The following ADAMTS2 variants were observed in gnomAD, a reference collection of about 807,000 sequenced individuals.
ADAMTS2 encodes A disintegrin and metalloproteinase with thrombospondin motifs 2.
Under a neutral mutation model 123.0 loss-of-function variants are expected in ADAMTS2, and 50 were observed. The observed-to-expected ratio is 0.41, with a 90% CI of 0.32 to 0.51. The LOEUF (loss-of-function observed/expected upper bound fraction) is 0.51. Among genes scored for constraint, ADAMTS2 ranks in the 20% least tolerant of loss-of-function variants. The pLI, the probability that ADAMTS2 is intolerant of heterozygous loss-of-function variation, is 0.35. For synonymous variants in ADAMTS2, 678 were observed against 695.4 expected (o/e 0.98, Z 0.39); for missense variants, 1,494 against 1,705.2 (o/e 0.88, Z 2.18).
chr5:179,278,212 C>T (rs1306391640), intron 2 of ADAMTS2, among the ~76,000 whole-genome samples: 13 of 145,722 alleles, frequency 8.9e-5, no homozygotes, highest in Non-Finnish European at 6.0e-5. Flanking sequence ...CAGCTGACGT[C>T]CTGCCAAGAC....
chr5:179,269,412 A>G (rs1027904034), intron 3 of ADAMTS2, among the ~76,000 whole-genome samples: 1 of 42,114 alleles, frequency 2.4e-5, no homozygotes, highest in African/African-American at 1.4e-4. Flanking sequence ...GAGGCCTCAC[A>G]ATCATGGCAG....
chr5:179,295,691 G>T (rs879520659), intron 2 of ADAMTS2, among the ~76,000 whole-genome samples: 1 of 152,234 alleles, frequency 6.6e-6, no homozygotes, highest in Non-Finnish European at 1.5e-5. Context: ...GTCCCAGGCT[G>T]GTCCAGAACA....
rs200083523 is a variant in ADAMTS2, at chr5:179,206,314, C to T, written c.891+1199G>A. On this transcript the variant is annotated intron_variant, in intron 4 of 21. Coordinates refer to ENST00000251582, the MANE Select transcript of ADAMTS2 (RefSeq NM_014244.5). ...CCCTGAGGTATCTTTTCACCAGGGCCCTGGGGACTCTGACCCATGTGTCAG... is the reference window on the plus strand; with the variant it reads ...CCCTGAGGTATCTTTTCACCAGGGCTCTGGGGACTCTGACCCATGTGTCAG... 7.2e-5 allele frequency among the ~76,000 whole-genome samples: 11 copies of T among 152,278 alleles called. No individual in the cohort carries two copies. The East Asian group carries it at 2.1e-3, about 29-fold the overall frequency.
In ADAMTS2 at chr5:179,262,756, C is replaced by T. The variant is rs1262879162; in HGVS notation, c.688+10155G>A. The stretch of plus-strand genomic sequence containing the variant: ...CTTTGTTCACAGGATTCTCCACTGT[C>T]TGCGAGCATCTGCTCACCAGGTCTC... On this transcript the variant is annotated intron_variant, in intron 3 of 21. Transcript: ENST00000251582. This position sits in a 1 kb window ranked among gnomAD's most constrained non-coding sequence, Gnocchi z 5.9. 6.6e-6 allele frequency among the ~76,000 whole-genome samples: 1 copy of T among 152,262 alleles called. No homozygotes were observed. The highest frequency in any genetic ancestry group is 1.5e-5 in the Non-Finnish European group (1 of 68,054).
At chr5:179,300,939 G>A (rs944510128) in intron 2 of ADAMTS2, among the ~76,000 whole-genome samples, 18 of 152,082 alleles carry the variant, frequency 1.2e-4, no homozygotes, top group African/African-American at 3.6e-4. Context: ...GAGAGGTCCC[G>A]CAGGACAGAG....
intron 3 of ADAMTS2, among the ~76,000 whole-genome samples, chr5:179,229,734 C>G (rs933521873): frequency 6.6e-6 from 1 of 152,196 alleles, no homozygotes; most frequent in Non-Finnish European, 1.5e-5. Flanking sequence ...GGAAATGGGC[C>G]GCAGGCAGCA....
At chr5:179,120,239 G>A (rs1200437729) in intron 21 of ADAMTS2, 6 of 152,068 alleles carry the variant, frequency 3.9e-5, no homozygotes, top group Non-Finnish European at 7.4e-5. Context: ...TCCATCATTA[G>A]TAAGAATGAA....
rs2113181904 is a variant in ADAMTS2 at position 179,122,779 on chromosome 5, G to A, written c.2959-6C>T. 3 of 1,554,972 alleles carry A rather than the reference G, an allele frequency of 1.9e-6. No homozygotes were observed. Among genetic ancestry groups the A allele is most frequent in the Non-Finnish European group, 2.6e-6 (3 of 1,149,636 alleles). On this transcript the variant is annotated splice_region_variant and splice_polypyrimidine_tract_variant and intron_variant, in intron 19 of 21. Transcript: ENST00000251582. Reference sequence around the variant, plus strand: ...TTGCCACAGGTTACTGAGCACTGCAGGGGGAGAGTCGCCAGGCAGGGTTCA... The same window carrying A: ...TTGCCACAGGTTACTGAGCACTGCAAGGGGAGAGTCGCCAGGCAGGGTTCA...
chr5:179,194,139 C>T (rs1469140175), intron 4 of ADAMTS2, among the ~76,000 whole-genome samples: 1 of 152,182 alleles, frequency 6.6e-6, no homozygotes, highest in Non-Finnish European at 1.5e-5. Context: ...TGCTGGGAGG[C>T]TTCCACATCA....
chr5:179,135,281 C>T (rs932217101), intron 13 of ADAMTS2, among the ~76,000 whole-genome samples: 1 of 152,186 alleles, frequency 6.6e-6, no homozygotes, highest in Admixed American at 6.5e-5. Context: ...TCAGCCTCCA[C>T]GACTCCTGCC....
In ADAMTS2 at chr5:179,262,719, C is replaced by G. The variant is rs1183135257; in HGVS notation, c.688+10192G>C. Among the ~76,000 whole-genome samples, 5 of 152,210 alleles carry G rather than the reference C, an allele frequency of 3.3e-5. No individual in the cohort carries two copies. Among genetic ancestry groups the G allele is most frequent in the Non-Finnish European group, 7.3e-5 (5 of 68,032 alleles). On this transcript the variant is annotated intron_variant, in intron 3 of 21. Transcript: ENST00000251582. This position sits in a 1 kb window ranked among gnomAD's most constrained non-coding sequence, Gnocchi z 5.9. The stretch of plus-strand genomic sequence containing the variant: ...TACCTGCCTTCTCACGCTGCCCTTT[C>G]ACCCCGTTTTACTTTGTTCACAGGA...
In ADAMTS2 at chr5:179,189,820, G is replaced by GGGGT; in HGVS notation, c.892-8666_892-8665insACCC. Among the ~76,000 whole-genome samples the GGGGT allele has an allele frequency of 6.6e-6, 1 of 151,192 alleles. No homozygotes were observed. Among genetic ancestry groups the GGGGT allele is most frequent in the African/African-American group, 2.4e-5 (1 of 41,066 alleles). ...TATTACTAAGTATCTTCTTAAGTTG[G>GGGGT]GGGGAGAGAATATTACAAAGTATCT... On this transcript the variant is annotated intron_variant, in intron 4 of 21. Coordinates refer to ENST00000251582, the MANE Select transcript of ADAMTS2 (RefSeq NM_014244.5). This position sits in a 1 kb window ranked among gnomAD's most constrained non-coding sequence, Gnocchi z 4.2.
intron 5 of ADAMTS2, among the ~76,000 whole-genome samples, chr5:179,165,779 T>C (rs991164623): frequency 1.3e-5 from 2 of 152,016 alleles, no homozygotes; most frequent in Admixed American, 1.3e-4. Context: ...CGGCAGCAGC[T>C]CCCAGAACTC....
intron 4 of ADAMTS2, among the ~76,000 whole-genome samples, chr5:179,204,065 T>C (rs1025712273): frequency 7.2e-5 from 11 of 152,214 alleles, no homozygotes; most frequent in African/African-American, 2.7e-4. Flanking sequence ...GCCCCGAGGA[T>C]GTCATGCTAA....
At position 179,181,873 on chromosome 5, in the gene ADAMTS2, C is replaced by T. The variant is rs1339062350; in HGVS notation, c.892-718G>A. Among the ~76,000 whole-genome samples, 1 of 152,174 alleles carries T rather than the reference C, an allele frequency of 6.6e-6. No individual in the cohort carries two copies. The highest frequency in any genetic ancestry group is 1.5e-5 in the Non-Finnish European group (1 of 68,034). ...CGTGGCACAAAAACAGGGGGGTGAA[C>T]TCCCCTTCTACAGAACACAGCCAGC... is the stretch of plus-strand genomic sequence containing the variant. On this transcript the variant is annotated intron_variant, in intron 4 of 21. Transcript: ENST00000251582. The surrounding 1 kb of genome is among the most constrained non-coding windows in gnomAD (Gnocchi z 4.1).
At chr5:179,300,090 G>A (rs1231037984) in intron 2 of ADAMTS2, among the ~76,000 whole-genome samples, 7 of 86,678 alleles carry the variant, frequency 8.1e-5, no homozygotes, top group African/African-American at 2.3e-4. Flanking sequence ...GTGAGACTCC[G>A]TCTCAAAAAA....
chr5:179,217,758 T>A (rs55829238), intron 3 of ADAMTS2, among the ~76,000 whole-genome samples: 1 of 128,544 alleles, frequency 7.8e-6, no homozygotes, highest in African/African-American at 3.8e-5. Context: ...GGGGATGGTG[T>A]GAGGGGGGAT....
intron 2 of ADAMTS2, among the ~76,000 whole-genome samples, chr5:179,328,579 C>T (rs1173956837): frequency 6.6e-6 from 1 of 152,178 alleles, no homozygotes; most frequent in Non-Finnish European, 1.5e-5. Flanking sequence ...ATGATTTGCA[C>T]TAATGTGTCA....
rs146295427 is a variant in ADAMTS2, at chr5:179,189,510, GTTTTT to G, written c.892-8360_892-8356del. On this transcript the variant is annotated intron_variant, in intron 4 of 21. Coordinates refer to ENST00000251582, the MANE Select transcript of ADAMTS2 (RefSeq NM_014244.5). This position sits in a 1 kb window ranked among gnomAD's most constrained non-coding sequence, Gnocchi z 4.2. ...CTACAGGCGCCCGCCAGTGCGCCTG[GTTTTT>G]TTTTTTTTTTTTTTTTTTTTTTTAG... Among the ~76,000 whole-genome samples the G allele has an allele frequency of 3.2e-4, 25 of 78,948 alleles. No individual in the cohort carries two copies. The highest frequency in any genetic ancestry group is 8.5e-4 in the African/African-American group (19 of 22,366). 51.8% of individuals were successfully genotyped at this position (78,948 alleles called of 152,430 possible). A position where few individuals can be genotyped will look rare whatever the true frequency, so the allele number is the denominator to read the frequency against.
Sources: gnomAD v4.1 joint callset for allele counts (sites outside exome capture counted in the v4.1 genomes callset) on GRCh38, gnomAD v4.1.1 for gene constraint, Gnocchi (gnomAD v3.1) non-coding constraint, MANE v1.5 for transcripts, NCBI Gene and HGNC (gene_info 2026-07-23, HGNC 2026-07-21) for gene names.